CNTNAP5: variants seen among roughly 807,000 people sequenced by gnomAD.
CNTNAP5 encodes the protein contactin associated protein family member 5.
In CNTNAP5, 72 loss-of-function variants were observed where a neutral mutation model predicts 150.2. The ratio of observed to expected loss-of-function variants is 0.48; its 90% CI spans 0.40 to 0.58. The LOEUF is 0.58. CNTNAP5 is among the 20% of genes least tolerant of loss of function. CNTNAP5 has a pLI of 0.00. For synonymous variants in CNTNAP5, 672 were observed against 619.8 expected, an observed-to-expected ratio of 1.08 and a Z score of -1.25; for missense variants, 1,636 against 1,626.2, an observed-to-expected ratio of 1.01 and a Z score of -0.10.
rs77980099 is a variant in CNTNAP5 at position 124,549,914 on chromosome 2, G to T, written c.1650-13303G>T. ...ATGCAGGTGTTCCTGAGCATGGCTGGGTTTAAGGGGATGGGGCTGTGGAGC... is the reference window on the plus strand; with the variant it reads ...ATGCAGGTGTTCCTGAGCATGGCTGTGTTTAAGGGGATGGGGCTGTGGAGC... On this transcript the variant is annotated intron_variant, in intron 10 of 23. Coordinates refer to ENST00000682447, the MANE Select transcript of CNTNAP5 (RefSeq NM_001367498.1). Among the ~76,000 whole-genome samples, 1,160 of 152,356 alleles carry T rather than the reference G, an allele frequency of 7.6e-3. 8 individuals carry two copies. Among genetic ancestry groups the T allele is most frequent in the African/African-American group, 0.026 (1,067 of 41,592 alleles).
chr2:124,081,368 G>A (rs1682556045), intron 1 of CNTNAP5, among the ~76,000 whole-genome samples: 1 of 152,228 alleles, frequency 6.6e-6, no homozygotes, highest in African/African-American at 2.4e-5. Flanking sequence ...TTCCTCAGGG[G>A]AAATATCTAT....
At chr2:124,230,998 TCA>T (rs1686602918) in intron 2 of CNTNAP5, among the ~76,000 whole-genome samples, 8 of 152,128 alleles carry the variant, frequency 5.3e-5, no homozygotes, top group Admixed American at 6.6e-5. Flanking sequence ...CTCTGTTTCA[TCA>T]CACTCTCCCT....
intron 3 of CNTNAP5, among the ~76,000 whole-genome samples, chr2:124,343,457 G>T (rs933035416): frequency 6.6e-6 from 1 of 152,112 alleles, no homozygotes; most frequent in South Asian, 2.1e-4. Context: ...AAGTTAGTTT[G>T]GGGGTCGAAG....
In CNTNAP5 at chr2:124,869,160, C is replaced by T. The variant is rs1677692924; in HGVS notation, c.3349-515C>T. ...TTCAGCTGCCCTCTCCTCCCCAGGACCACATGTTTTGTCAGACTGCAATCC... is the reference window on the plus strand; with the variant it reads ...TTCAGCTGCCCTCTCCTCCCCAGGATCACATGTTTTGTCAGACTGCAATCC... On this transcript the variant is annotated intron_variant, in intron 20 of 23. Coordinates refer to ENST00000682447, the MANE Select transcript of CNTNAP5 (RefSeq NM_001367498.1). Among the ~76,000 whole-genome samples, 9 of 152,276 alleles carry T rather than the reference C, an allele frequency of 5.9e-5. No homozygotes were observed. The South Asian group carries it at 1.9e-3, about 32-fold the overall frequency.
At chr2:124,811,721 A>G (rs1682226712) in intron 19 of CNTNAP5, among the ~76,000 whole-genome samples, 1 of 148,332 alleles carries the variant, frequency 6.7e-6, no homozygotes, top group African/African-American at 2.5e-5. Flanking sequence ...GGGGTGGATC[A>G]CCTGAAATCA....
intron 10 of CNTNAP5, among the ~76,000 whole-genome samples, chr2:124,538,314 A>G (rs1695289633): frequency 1.3e-5 from 2 of 152,108 alleles, no homozygotes; most frequent in South Asian, 4.1e-4. Flanking sequence ...CTCCATCTCT[A>G]CTAAAATACA....
intron 23 of CNTNAP5, among the ~76,000 whole-genome samples, chr2:124,912,153 A>G (rs1056800376): frequency 6.6e-6 from 1 of 151,668 alleles, no homozygotes; most frequent in Non-Finnish European, 1.5e-5. Context: ...CTGTGGCTTG[A>G]TTTTTCCATC....
chr2:124,494,495 A>G (rs994874930), intron 7 of CNTNAP5, among the ~76,000 whole-genome samples: 1 of 152,130 alleles, frequency 6.6e-6, no homozygotes, highest in Non-Finnish European at 1.5e-5. Flanking sequence ...CTCCTAGTGC[A>G]CTCAGACTCA....
At chr2:124,717,639 G>A (rs75250532) in intron 13 of CNTNAP5, among the ~76,000 whole-genome samples, 6,604 of 152,228 alleles carry the variant, frequency 0.043, 510 homozygotes, top group African/African-American at 0.15. Flanking sequence ...AGAATTGAAC[G>A]ATGCATCACA....
At chr2:124,394,058 T>A (rs1166823605) in intron 3 of CNTNAP5, among the ~76,000 whole-genome samples, 1 of 152,156 alleles carries the variant, frequency 6.6e-6, no homozygotes, top group Non-Finnish European at 1.5e-5. Flanking sequence ...AGCTATTATA[T>A]GTTTTCTGTA....
chr2:124,373,028 A>G (rs1690567054), intron 3 of CNTNAP5, among the ~76,000 whole-genome samples: 1 of 152,128 alleles, frequency 6.6e-6, no homozygotes, highest in Non-Finnish European at 1.5e-5. Context: ...GGAATAGACT[A>G]CCATTCAAAC....
At chr2:124,713,471 C>T (rs150086391) in intron 13 of CNTNAP5, among the ~76,000 whole-genome samples, 2,465 of 150,162 alleles carry the variant, frequency 0.016, 51 homozygotes, top group African/African-American at 0.052. Flanking sequence ...TCCACCTCTC[C>T]GGTTCAAGTG....
intron 1 of CNTNAP5, among the ~76,000 whole-genome samples, chr2:124,033,690 G>C (rs1681126303): frequency 1.3e-5 from 2 of 152,202 alleles, no homozygotes; most frequent in South Asian, 2.1e-4. Flanking sequence ...TGGGCCTGGT[G>C]CCACAGGGAA....
chr2:124,184,710 CTTT>C (rs1228321518), intron 1 of CNTNAP5, among the ~76,000 whole-genome samples: 2 of 152,122 alleles, frequency 1.3e-5, no homozygotes, highest in Admixed American at 1.3e-4. Flanking sequence ...ATGTGGACAA[CTTT>C]GTTACCATGG....
chr2:124,516,026 A>G (rs1462182940), intron 8 of CNTNAP5, among the ~76,000 whole-genome samples: 1 of 152,094 alleles, frequency 6.6e-6, no homozygotes, highest in East Asian at 1.9e-4. Flanking sequence ...AAAGAGGGGG[A>G]CCACTAAAGA....
chr2:124,748,932 G>T (rs745887537), intron 14 of CNTNAP5, among the ~76,000 whole-genome samples: 24 of 152,140 alleles, frequency 1.6e-4, no homozygotes, highest in Admixed American at 2.0e-4. Context: ...ACTTTATCCT[G>T]CAGCGAATTC....
chr2:124,184,772 G>T (rs769894427), intron 1 of CNTNAP5, among the ~76,000 whole-genome samples: 65 of 152,248 alleles, frequency 4.3e-4, no homozygotes, highest in Admixed American at 9.2e-4. Flanking sequence ...TGGATATTCT[G>T]GAACAAATAG....
At chr2:124,271,004 C>T (rs1426885262) in intron 3 of CNTNAP5, among the ~76,000 whole-genome samples, 4 of 151,980 alleles carry the variant, frequency 2.6e-5, no homozygotes, top group South Asian at 2.1e-4. Flanking sequence ...AGAGAGATGT[C>T]GATTCTTTCA....
chr2:124,809,384 T>G (rs569931021), intron 19 of CNTNAP5, among the ~76,000 whole-genome samples: 8 of 8,330 alleles, frequency 9.6e-4, no homozygotes, highest in African/African-American at 3.3e-3. Context: ...AATATGGTAT[T>G]TATTTATTTA....
Sources: allele counts gnomAD v4.1 joint callset (sites outside exome capture counted in the v4.1 genomes callset), GRCh38; gene constraint gnomAD v4.1.1; transcripts MANE v1.5; gene names NCBI Gene and HGNC (gene_info 2026-07-23, HGNC 2026-07-21).